The following FGF13 variants were observed in gnomAD, a reference collection of about 807,000 sequenced individuals.
FGF13 encodes the protein fibroblast growth factor 13.
Under a neutral mutation model 19.5 loss-of-function variants are expected in FGF13, and 2 were observed. The ratio of observed to expected loss-of-function variants is 0.10; its 90% CI spans 0.04 to 0.32. The LOEUF (loss-of-function observed/expected upper bound fraction) is 0.32, where lower values mean the gene tolerates loss of function less well. Ranked by LOEUF, FGF13 falls within the 10% of genes least tolerant of loss-of-function variation. FGF13 has a pLI of 1.00. For synonymous variants in FGF13, 72 were observed against 76.9 expected (o/e 0.94, Z 0.33); for missense variants, 113 against 192.7 (o/e 0.59, Z 2.45).
At chrX:139,000,122 A>G (rs1041643766) in intron 1 of FGF13, among the ~76,000 whole-genome samples, 1 of 112,176 alleles carries the variant, frequency 8.9e-6, no homozygotes, top group Non-Finnish European at 1.9e-5. Context: ...AAGGCCTTCT[A>G]TAAAATTCAA....
At chrX:138,939,142 A>T (rs2124270579) in intron 1 of FGF13, among the ~76,000 whole-genome samples, 1 of 112,147 alleles carries the variant, frequency 8.9e-6, no homozygotes, top group East Asian at 2.8e-4. Context: ...CTGAAACTTG[A>T]TTTGTCCCAA....
In FGF13 at chrX:138,744,531, C is replaced by G. The variant is rs774432719; in HGVS notation, c.218-35603G>C. Among the ~76,000 whole-genome samples the G allele has an allele frequency of 6.3e-5, 7 of 111,535 alleles. No homozygotes were observed. The South Asian group carries it at 1.1e-3, about 18-fold the overall frequency. ...CGTAAGCAGTCAATGGAAGTTAGTC[C>G]TCTTACTTTACCCTTAGTCTCTTCT... On this transcript the variant is annotated intron_variant, in intron 3 of 6. Coordinates refer to the FGF13 transcript ENST00000436198.
At chrX:138,786,341 G>T (rs898195235) in intron 3 of FGF13, among the ~76,000 whole-genome samples, 1 of 111,198 alleles carries the variant, frequency 9.0e-6, no homozygotes, top group Non-Finnish European at 1.9e-5. Flanking sequence ...GGCCAAGGTG[G>T]GATGGAACTA....
chrX:139,141,790 T>C (rs1852963549), intron 1 of FGF13, among the ~76,000 whole-genome samples: 1 of 112,610 alleles, frequency 8.9e-6, no homozygotes, highest in Non-Finnish European at 1.9e-5. Context: ...ACCATTAACA[T>C]GGAGACCATA....
In FGF13 at chrX:138,846,185, TTGTGTGTGTGTGTG is replaced by T. The variant is rs200911113; in HGVS notation, c.217+11313_217+11326del. Reference sequence around the variant, plus strand: ...ATTTTAAATAGTAATATGTGTCCATTTGTGTGTGTGTGTGTGTGTGTGTGTGTGTGTGTGTGTAT... The same window carrying T: ...ATTTTAAATAGTAATATGTGTCCATTTGTGTGTGTGTGTGTGTGTGTGTAT... On this transcript the variant is annotated intron_variant, in intron 3 of 6. Transcript: ENST00000436198. Among the ~76,000 whole-genome samples the T allele has an allele frequency of 4.1e-5, 4 of 96,625 alleles. No individual in the cohort carries two copies. In the Admixed American group the frequency reaches 4.7e-4, roughly 11 times the overall value. 83.9% of individuals were successfully genotyped at this position (96,625 alleles called of 115,157 possible).
intron 1 of FGF13, among the ~76,000 whole-genome samples, chrX:139,017,027 C>G (rs879042602): frequency 9.1e-6 from 1 of 109,403 alleles, no homozygotes; most frequent in Non-Finnish European, 1.9e-5. Context: ...ACTTAAATAA[C>G]TACCCATTTT....
At chrX:138,667,626 G>C (rs2124164649) in intron 3 of FGF13, 1 of 335,998 alleles carries the variant, frequency 3.0e-6, no homozygotes, top group Non-Finnish European at 5.9e-6. Flanking sequence ...TTTTCATGAA[G>C]CATTGGGGTG....
intron 3 of FGF13, among the ~76,000 whole-genome samples, chrX:138,678,130 G>A (rs904518731): frequency 2.7e-5 from 3 of 111,253 alleles, no homozygotes; most frequent in African/African-American, 3.3e-5. Context: ...ATTGAACAAT[G>A]AGAACACATG....
rs902339183 is a variant in FGF13, at chrX:138,739,237, C to T, written c.28+5G>A. 11 of 1,070,791 alleles carry T rather than the reference C, an allele frequency of 1.0e-5. No individual in the cohort carries two copies. In the East Asian group the frequency reaches 3.0e-4, roughly 30 times the overall value. 88.2% of individuals were successfully genotyped at this position (1,070,791 alleles called of 1,213,427 possible). A position where few individuals can be genotyped will look rare whatever the true frequency, so the allele number is the denominator to read the frequency against. On this transcript the variant is annotated splice_donor_5th_base_variant and intron_variant, in intron 1 of 4. Coordinates refer to the FGF13 transcript ENST00000305414. ...CATCAAAAACATTGCAGAAATAAAT[C>T]TTACCTGAATACGACTTCCTTAACA...
At chrX:139,054,557 C>CT (rs2092314638) in intron 1 of FGF13, among the ~76,000 whole-genome samples, 1 of 111,336 alleles carries the variant, frequency 9.0e-6, no homozygotes, top group African/African-American at 3.3e-5. Context: ...TATGTGTACT[C>CT]TTTTTTTGGT....
At chrX:138,774,030 C>T (rs2090568166) in intron 3 of FGF13, among the ~76,000 whole-genome samples, 1 of 111,820 alleles carries the variant, frequency 8.9e-6, no homozygotes, top group Non-Finnish European at 1.9e-5. Flanking sequence ...TTACTGTCCT[C>T]TGTCCTTTCA....
intron 1 of FGF13, among the ~76,000 whole-genome samples, chrX:139,173,864 G>A (rs1487400701): frequency 9.0e-6 from 1 of 111,620 alleles, no homozygotes; most frequent in Non-Finnish European, 1.9e-5. Flanking sequence ...ATAAACATCC[G>A]TGTGCATGTG....
At chrX:138,634,543 T>C (rs1159533883) in intron 4 of FGF13, among the ~76,000 whole-genome samples, 1 of 112,989 alleles carries the variant, frequency 8.9e-6, no homozygotes, top group Admixed American at 9.3e-5. Context: ...GCAAATGTTT[T>C]TGAGTGTTAC....
chrX:139,161,823 T>C (rs2084036863), intron 1 of FGF13, among the ~76,000 whole-genome samples: 1 of 111,146 alleles, frequency 9.0e-6, no homozygotes, highest in African/African-American at 3.3e-5. Context: ...GAGAATAAAA[T>C]AGCTAGGAAT....
intron 3 of FGF13, among the ~76,000 whole-genome samples, chrX:138,675,844 G>A (rs900160495): frequency 2.7e-5 from 3 of 110,702 alleles, no homozygotes; most frequent in Non-Finnish European, 3.8e-5. Context: ...ACTTGCATAC[G>A]GGCATAAACG....
chrX:138,675,671 A>G (rs938795825), intron 3 of FGF13, among the ~76,000 whole-genome samples: 1 of 111,260 alleles, frequency 9.0e-6, no homozygotes, highest in African/African-American at 3.3e-5. Flanking sequence ...TTTCACATTG[A>G]TGCAATTCTG....
chrX:138,986,255 T>C lies in FGF13; in HGVS notation c.-112-121605A>G, dbSNP rs181587746. Among the ~76,000 whole-genome samples the C allele has an allele frequency of 6.2e-5, 7 of 112,185 alleles. No homozygotes were observed. In the East Asian group the frequency reaches 1.7e-3, roughly 27 times the overall value. ...TTAATTTTTTGCCCTATAAGAGCAATGGAGTTCAGCTCCATCTCCATGTCT... is the reference window on the plus strand; with the variant it reads ...TTAATTTTTTGCCCTATAAGAGCAACGGAGTTCAGCTCCATCTCCATGTCT... On this transcript the variant is annotated intron_variant, in intron 1 of 2. Coordinates refer to the FGF13 transcript ENST00000421460.
At chrX:138,822,720 C>T (rs1265801611) in intron 3 of FGF13, among the ~76,000 whole-genome samples, 1 of 112,292 alleles carries the variant, frequency 8.9e-6, no homozygotes, top group Non-Finnish European at 1.9e-5. Context: ...TAAAGAATCT[C>T]TAATAATGTA....
At chrX:138,898,251 A>G (rs777374405) in intron 1 of FGF13, among the ~76,000 whole-genome samples, 2 of 112,082 alleles carry the variant, frequency 1.8e-5, no homozygotes, top group African/African-American at 6.5e-5. Context: ...CCTAAAATGT[A>G]TGAGTTGTTT....
Sources: gnomAD v4.1 joint callset for allele counts (sites outside exome capture counted in the v4.1 genomes callset) on GRCh38, gnomAD v4.1.1 for gene constraint, MANE v1.5 for transcripts, NCBI Gene and HGNC (gene_info 2026-07-23, HGNC 2026-07-21) for gene names.